The following PLAC1 variants were observed in gnomAD, a reference collection of about 807,000 sequenced individuals.
PLAC1 encodes the protein placenta-specific protein 1.
For missense variants in PLAC1, 136 were observed against 163.2 expected (o/e 0.83, Z 0.91); for synonymous variants, 68 against 62.1 (o/e 1.09, Z -0.44).
At chrX:134,696,617 A>G (rs926129198) in intron 2 of PLAC1, among the ~76,000 whole-genome samples, 1 of 111,549 alleles carries the variant, frequency 9.0e-6, no homozygotes, top group Non-Finnish European at 1.9e-5. Context: ...TACACAACTG[A>G]GAATCAAGAA....
chrX:134,763,860 G>GAAAGAAAGAAAGAAAGAA (rs1321216252), intron 1 of PLAC1, among the ~76,000 whole-genome samples: 3 of 92,356 alleles, frequency 3.2e-5, no homozygotes, highest in African/African-American at 1.2e-4. Context: ...AAGAAAGAAA[G>GAAAGAAAGAAAGAAAGAA]AGAAAAGAAA....
intron 1 of PLAC1, among the ~76,000 whole-genome samples, chrX:134,603,314 T>TATA (rs1184439848): frequency 1.4e-4 from 1 of 7,221 alleles, no homozygotes; most frequent in Non-Finnish European, 2.1e-4. Context: ...TATATATATA[T>TATA]TTTTTTTTTT....
chrX:134,734,381 C>T (rs960482876), intron 1 of PLAC1, among the ~76,000 whole-genome samples: 24 of 112,796 alleles, frequency 2.1e-4, no homozygotes, highest in African/African-American at 7.7e-4. Flanking sequence ...CTCCCCACAG[C>T]TCAGCAGACC....
chrX:134,597,348 CTTA>C (rs1269372397), intron 2 of PLAC1, among the ~76,000 whole-genome samples: 1 of 111,913 alleles, frequency 8.9e-6, no homozygotes, highest in Non-Finnish European at 1.9e-5. Context: ...TTTATGTATT[CTTA>C]TTTGCTTACT....
chrX:134,585,920 C>G, intron 2 of PLAC1, among the ~76,000 whole-genome samples: 1 of 112,112 alleles, frequency 8.9e-6, no homozygotes, highest in South Asian at 3.7e-4. Context: ...CACAGCATTG[C>G]TGGGGAGAAG....
chrX:134,760,222 G>C (rs1427530237), intron 1 of PLAC1: 8 of 111,585 alleles, frequency 7.2e-5, no homozygotes, highest in African/African-American at 2.6e-4. Context: ...CATACAGACT[G>C]TCAAAAAATG....
intron 2 of PLAC1, among the ~76,000 whole-genome samples, chrX:134,690,719 T>C (rs1556142723): frequency 1.9e-5 from 2 of 106,443 alleles, no homozygotes; most frequent in African/African-American, 6.8e-5. Flanking sequence ...GATCACGAGG[T>C]CAGGAGATCC....
At chrX:134,621,480 A>G (rs1206477855) in intron 1 of PLAC1, among the ~76,000 whole-genome samples, 11 of 107,896 alleles carry the variant, frequency 1.0e-4, no homozygotes, top group Non-Finnish European at 1.5e-4. Context: ...AAAAGAAAAG[A>G]AAATCCTCGG....
chrX:134,581,040 A>G lies in PLAC1; in HGVS notation c.-58-14300T>C, dbSNP rs185260844. 3.3e-3 allele frequency among the ~76,000 whole-genome samples: 375 copies of G among 111,954 alleles called. 1 individual carries two copies. Among genetic ancestry groups the G allele is most frequent in the Non-Finnish European group, 5.3e-3 (281 of 53,199 alleles). ...TCTTGCATTTGTTATGGAAGTGGAG[A>G]ATCACATATTCCTGATTCCACTCTG... is the stretch of plus-strand genomic sequence containing the variant. On this transcript the variant is annotated intron_variant, in intron 2 of 2. Coordinates refer to ENST00000359237, the MANE Select transcript of PLAC1 (RefSeq NM_021796.4).
At chrX:134,578,285 C>T (rs1168054331) in intron 2 of PLAC1, among the ~76,000 whole-genome samples, 9 of 107,305 alleles carry the variant, frequency 8.4e-5, no homozygotes, top group East Asian at 2.9e-4. Flanking sequence ...TGGTGGCGGG[C>T]GCCTGTAGTC....
chrX:134,638,026 G>A (rs949079067), intron 1 of PLAC1, among the ~76,000 whole-genome samples: 4 of 112,321 alleles, frequency 3.6e-5, no homozygotes, highest in Non-Finnish European at 7.5e-5. Flanking sequence ...GCCCATAAAC[G>A]AGAGTCTACT....
chrX:134,592,501 T>C (rs1330553345), intron 2 of PLAC1, among the ~76,000 whole-genome samples: 1 of 110,802 alleles, frequency 9.0e-6, no homozygotes, highest in Non-Finnish European at 1.9e-5. Context: ...GTGGGCCTTA[T>C]CCAATCAGTT....
chrX:134,744,293 A>AAG (rs929621994), intron 1 of PLAC1, among the ~76,000 whole-genome samples: 1 of 110,201 alleles, frequency 9.1e-6, no homozygotes, highest in African/African-American at 3.3e-5. Context: ...AAAAAAAAAA[A>AAG]AAAAGAAAAA....
chrX:134,671,339 G>A (rs138055327), intron 2 of PLAC1, among the ~76,000 whole-genome samples: 282 of 111,962 alleles, frequency 2.5e-3, no homozygotes, highest in African/African-American at 8.5e-3. Flanking sequence ...TGGGGAACAG[G>A]GGGGAAGGCT....
At chrX:134,726,932 T>C (rs2078676493) in intron 2 of PLAC1, among the ~76,000 whole-genome samples, 1 of 110,753 alleles carries the variant, frequency 9.0e-6, no homozygotes, top group South Asian at 3.9e-4. Context: ...GACCATATTT[T>C]ATCCCATTAC....
intron 1 of PLAC1, among the ~76,000 whole-genome samples, chrX:134,737,745 A>G (rs1288990371): frequency 8.9e-6 from 1 of 112,724 alleles, no homozygotes; most frequent in African/African-American, 3.2e-5. Flanking sequence ...GAGGTCGACG[A>G]AAAAGCTAGT....
chrX:134,638,802 G>A (rs1450172284), intron 1 of PLAC1, among the ~76,000 whole-genome samples: 2 of 110,216 alleles, frequency 1.8e-5, no homozygotes, highest in Non-Finnish European at 3.8e-5. Context: ...TTTTATTTTA[G>A]GTTCAGGAGT....
At chrX:134,592,639 T>C (rs192379637) in intron 2 of PLAC1, among the ~76,000 whole-genome samples, 1 of 110,697 alleles carries the variant, frequency 9.0e-6, no homozygotes, top group East Asian at 2.8e-4. Flanking sequence ...CCCTGCAAAT[T>C]TTGGACTTGC....
At chrX:134,665,071 A>AGTGT (rs59815179) in intron 2 of PLAC1, among the ~76,000 whole-genome samples, 1,183 of 103,841 alleles carry the variant, frequency 0.011, 22 homozygotes, top group African/African-American at 0.038. Flanking sequence ...GTGATTTTGG[A>AGTGT]GTGTGTGTGT....
Sources: gnomAD v4.1 joint callset for allele counts (sites outside exome capture counted in the v4.1 genomes callset) on GRCh38, gnomAD v4.1.1 for gene constraint, MANE v1.5 for transcripts, NCBI Gene and HGNC (gene_info 2026-07-23, HGNC 2026-07-21) for gene names.